The following LRRTM4 variants were observed in gnomAD, a reference collection of about 807,000 sequenced individuals.
LRRTM4 encodes leucine rich repeat transmembrane neuronal 4.
In LRRTM4, 25 loss-of-function variants were observed where a neutral mutation model predicts 47.6. The ratio of observed to expected loss-of-function variants is 0.53; its 90% CI spans 0.38 to 0.73. The LOEUF (loss-of-function observed/expected upper bound fraction) is 0.73. LRRTM4 is among the 30% of genes least tolerant of loss of function. LRRTM4 has a pLI of 0.00. For missense variants in LRRTM4, 638 were observed against 713.4 expected, an observed-to-expected ratio of 0.89 and a Z score of 1.20; for synonymous variants, 311 against 269.5, an observed-to-expected ratio of 1.15 and a Z score of -1.51.
intron 3 of LRRTM4, among the ~76,000 whole-genome samples, chr2:77,477,985 C>T (rs1456295944): frequency 1.3e-5 from 2 of 151,014 alleles, no homozygotes; most frequent in African/African-American, 4.9e-5. Context: ...AAAAAAGCCA[C>T]ATGAGGCAAT....
At chr2:77,061,105 GT>G (rs36044505) in intron 3 of LRRTM4, among the ~76,000 whole-genome samples, 19,449 of 145,684 alleles carry the variant, frequency 0.13, 1,341 homozygotes, top group Non-Finnish European at 0.16. Flanking sequence ...AGCCATTAGA[GT>G]TTTTTTTTTT....
chr2:77,221,270 A>T (rs1237365532), intron 3 of LRRTM4, among the ~76,000 whole-genome samples: 1 of 152,092 alleles, frequency 6.6e-6, no homozygotes, highest in Non-Finnish European at 1.5e-5. Context: ...TGCAAAGACC[A>T]TCAAGGCTAG....
chr2:76,779,268 C>G (rs895541324), intron 3 of LRRTM4, among the ~76,000 whole-genome samples: 1 of 151,324 alleles, frequency 6.6e-6, no homozygotes, highest in African/African-American at 2.4e-5. Context: ...CTGTAGATGT[C>G]TATTAGGTCT....
intron 3 of LRRTM4, among the ~76,000 whole-genome samples, chr2:77,222,009 T>G (rs1159659791): frequency 2.6e-5 from 4 of 152,140 alleles, no homozygotes; most frequent in African/African-American, 9.7e-5. Flanking sequence ...AAACTGTCTC[T>G]CAGACCACAG....
chr2:77,115,761 C>G (rs1671374977), intron 3 of LRRTM4, among the ~76,000 whole-genome samples: 1 of 152,138 alleles, frequency 6.6e-6, no homozygotes, highest in Non-Finnish European at 1.5e-5. Context: ...TTATAGCTTA[C>G]TTCAAATTTT....
At chr2:76,985,309 GT>G (rs912304189) in intron 3 of LRRTM4, among the ~76,000 whole-genome samples, 1 of 152,022 alleles carries the variant, frequency 6.6e-6, no homozygotes, top group Non-Finnish European at 1.5e-5. Flanking sequence ...GGGGGATAAT[GT>G]TTCCTTAAAA....
rs11462631 is a variant in LRRTM4, at chr2:77,267,701, T to TA, written c.1551+250616_1551+250617insT. On this transcript the variant is annotated intron_variant, in intron 3 of 3. Coordinates refer to ENST00000409884, the MANE Select transcript of LRRTM4 (RefSeq NM_001134745.3). Reference sequence around the variant, plus strand: ...TATTTCAAACTGTTCTTCCAGAATATTTTTTTTTGATAATGCTCCTTTCAA... The same window carrying TA: ...TATTTCAAACTGTTCTTCCAGAATATATTTTTTTTGATAATGCTCCTTTCAA... 0.017 allele frequency among the ~76,000 whole-genome samples: 27 copies of TA among 1,620 alleles called. No individual in the cohort carries two copies. In the African/African-American group the frequency reaches 0.23, roughly 14 times the overall value. 1.1% of individuals were successfully genotyped at this position (1,620 alleles called of 152,430 possible).
At chr2:77,381,457 A>G (rs575116020) in intron 3 of LRRTM4, among the ~76,000 whole-genome samples, 1 of 152,226 alleles carries the variant, frequency 6.6e-6, no homozygotes, top group East Asian at 1.9e-4. Context: ...AATTGCTTTA[A>G]CACTAAAAGA....
chr2:77,475,459 T>C lies in LRRTM4; in HGVS notation c.1551+42859A>G, dbSNP rs1448254776. On this transcript the variant is annotated intron_variant, in intron 3 of 3. Coordinates refer to ENST00000409884, the MANE Select transcript of LRRTM4 (RefSeq NM_001134745.3). ...AAATACTTTTTACAAATATGTCATC[T>C]ATTTTAAATAAGCACATAGTGTTTT... Among the ~76,000 whole-genome samples, 3 of 152,088 alleles carry C rather than the reference T, an allele frequency of 2.0e-5. No individual in the cohort carries two copies. In the East Asian group the frequency reaches 5.8e-4, roughly 29 times the overall value.
chr2:77,441,664 A>C (rs1675847234), intron 3 of LRRTM4, among the ~76,000 whole-genome samples: 1 of 152,214 alleles, frequency 6.6e-6, no homozygotes, highest in Admixed American at 6.5e-5. Context: ...TTCTAGATAC[A>C]TAGTTGATAT....
At chr2:76,773,967 G>GA (rs1673835610) in intron 3 of LRRTM4, among the ~76,000 whole-genome samples, 2 of 151,328 alleles carry the variant, frequency 1.3e-5, no homozygotes, top group Admixed American at 6.6e-5. Flanking sequence ...AGCTGTTTGA[G>GA]AAAAAAATAT....
intron 3 of LRRTM4, among the ~76,000 whole-genome samples, chr2:76,879,898 A>T (rs1015960356): frequency 1.3e-5 from 2 of 152,212 alleles, no homozygotes; most frequent in Admixed American, 1.3e-4. Context: ...ATTTCAGTGG[A>T]GGAAGTAATT....
intron 3 of LRRTM4, among the ~76,000 whole-genome samples, chr2:77,393,578 G>A (rs949619995): frequency 6.6e-6 from 1 of 151,926 alleles, no homozygotes; most frequent in African/African-American, 2.4e-5. Context: ...TGTTTTATCC[G>A]GAAGGCTCTG....
chr2:76,894,376 A>G (rs1385017945), intron 3 of LRRTM4, among the ~76,000 whole-genome samples: 1 of 152,066 alleles, frequency 6.6e-6, no homozygotes, highest in Non-Finnish European at 1.5e-5. Flanking sequence ...ATACTGACTC[A>G]TATAATCTAC....
intron 3 of LRRTM4, among the ~76,000 whole-genome samples, chr2:77,459,155 A>G (rs1221333254): frequency 6.6e-6 from 1 of 152,158 alleles, no homozygotes; most frequent in Non-Finnish European, 1.5e-5. Flanking sequence ...TCCACTCTAT[A>G]AAATGCCTGA....
At chr2:77,486,908 A>G (rs1428276259) in intron 3 of LRRTM4, among the ~76,000 whole-genome samples, 1 of 152,250 alleles carries the variant, frequency 6.6e-6, no homozygotes, top group South Asian at 2.1e-4. Flanking sequence ...ATGAAAGATG[A>G]CCATCAGAGA....
At chr2:77,424,217 T>C in intron 3 of LRRTM4, among the ~76,000 whole-genome samples, 1 of 152,184 alleles carries the variant, frequency 6.6e-6, no homozygotes, top group Non-Finnish European at 1.5e-5. Flanking sequence ...CTCCTGGGCA[T>C]ATAGCAAGAG....
At chr2:76,896,372 G>A (rs948057266) in intron 3 of LRRTM4, among the ~76,000 whole-genome samples, 4 of 151,894 alleles carry the variant, frequency 2.6e-5, no homozygotes, top group Admixed American at 2.0e-4. Context: ...CAACTTGAGT[G>A]CAAAAATGAC....
chr2:77,431,119 G>A (rs1675360133), intron 3 of LRRTM4, among the ~76,000 whole-genome samples: 1 of 149,030 alleles, frequency 6.7e-6, no homozygotes, highest in South Asian at 2.1e-4. Flanking sequence ...CAAGACAGCT[G>A]TAGTGAGACT....
Sources: allele counts gnomAD v4.1 joint callset (sites outside exome capture counted in the v4.1 genomes callset), GRCh38; gene constraint gnomAD v4.1.1; transcripts MANE v1.5; gene names NCBI Gene and HGNC (gene_info 2026-07-23, HGNC 2026-07-21).